Variants in CDH18 observed in about 807,000 individuals in gnomAD.
CDH18 encodes the protein cadherin-18.
A neutral mutation model predicts 67.9 loss-of-function variants in CDH18; 31 were observed. The ratio of observed to expected loss-of-function variants is 0.46; its 90% confidence interval spans 0.34 to 0.62. CDH18 has a LOEUF of 0.62. Among genes scored for constraint, CDH18 ranks in the 20% least tolerant of loss-of-function variants. The pLI is 0.01. For synonymous variants in CDH18, 362 were observed against 347.2 expected (o/e 1.04, Z -0.48); for missense variants, 890 against 975.5 (o/e 0.91, Z 1.17).
At chr5:20,385,158 A>G (rs1206443206) in intron 1 of CDH18, among the ~76,000 whole-genome samples, 1 of 152,098 alleles carries the variant, frequency 6.6e-6, no homozygotes. Flanking sequence ...TCTTATATGT[A>G]ATTTAATATC....
chr5:19,905,322 T>C (rs1274662119), intron 2 of CDH18, among the ~76,000 whole-genome samples: 2 of 152,228 alleles, frequency 1.3e-5, no homozygotes, highest in Admixed American at 6.5e-5. Flanking sequence ...TATGGAGAAA[T>C]ATGTTCCAAA....
At chr5:20,145,610 A>G (rs1364194441) in intron 2 of CDH18, among the ~76,000 whole-genome samples, 2 of 152,190 alleles carry the variant, frequency 1.3e-5, no homozygotes, top group Admixed American at 1.3e-4. Context: ...CTGGTGTTTT[A>G]CCAAACAACT....
upstream of CDH18, among the ~76,000 whole-genome samples, chr5:19,990,294 T>G (rs1382112834): frequency 6.6e-6 from 1 of 152,216 alleles, no homozygotes; most frequent in Non-Finnish European, 1.5e-5. Context: ...TGCCTCTAGT[T>G]GAATGAAATA....
intron 4 of CDH18, among the ~76,000 whole-genome samples, chr5:19,744,562 G>A (rs1769718068): frequency 6.7e-6 from 1 of 148,990 alleles, no homozygotes; most frequent in Non-Finnish European, 1.5e-5. Flanking sequence ...GTTCACTGTT[G>A]ATAACATTTT....
intron 2 of CDH18, among the ~76,000 whole-genome samples, chr5:19,893,993 GCTAT>G (rs1223251733): frequency 2.0e-5 from 3 of 151,952 alleles, no homozygotes; most frequent in Admixed American, 6.6e-5. Context: ...TTGCATACCC[GCTAT>G]CTTTTTGCTT....
chr5:20,031,446 A>G (rs1580079813), intron 2 of CDH18, among the ~76,000 whole-genome samples: 1 of 152,058 alleles, frequency 6.6e-6, no homozygotes, highest in African/African-American at 2.4e-5. Context: ...AGAATTCTCC[A>G]GTGACCTCAT....
At chr5:20,540,651 TC>T (rs1471118353) in intron 1 of CDH18, among the ~76,000 whole-genome samples, 1 of 152,194 alleles carries the variant, frequency 6.6e-6, no homozygotes, top group Non-Finnish European at 1.5e-5. Context: ...TGGTAGCACA[TC>T]CAGATGCTGT....
chr5:20,273,899 C>A (rs1745617143), intron 1 of CDH18, among the ~76,000 whole-genome samples: 2 of 151,954 alleles, frequency 1.3e-5, no homozygotes, highest in African/African-American at 4.8e-5. Flanking sequence ...AGTCTTAACC[C>A]CCAGTACTTA....
chr5:19,719,903 G>GAGAAAGAAAGAA (rs35867851), intron 5 of CDH18, among the ~76,000 whole-genome samples: 10,441 of 130,760 alleles, frequency 0.08, 571 homozygotes, highest in African/African-American at 0.13. Flanking sequence ...AGTTAAGCAA[G>GAGAAAGAAAGAA]AGAAAGAAAG....
At chr5:19,603,379 A>G (rs1463312307) in intron 6 of CDH18, among the ~76,000 whole-genome samples, 1 of 152,156 alleles carries the variant, frequency 6.6e-6, no homozygotes, top group East Asian at 1.9e-4. Flanking sequence ...AGTACCCATT[A>G]AACAATGGGT....
intron 8 of CDH18, among the ~76,000 whole-genome samples, chr5:19,567,707 G>C: frequency 6.6e-6 from 1 of 152,078 alleles, no homozygotes. Context: ...ATTATTTTAA[G>C]GCAGCTTTAG....
intron 5 of CDH18, among the ~76,000 whole-genome samples, chr5:19,694,058 A>C (rs1762237419): frequency 6.6e-6 from 1 of 152,150 alleles, no homozygotes. Context: ...ATCCACAATT[A>C]TGTGTGTGCA....
At chr5:19,886,057 A>G (rs1788158969) in intron 2 of CDH18, 1 of 152,158 alleles carries the variant, frequency 6.6e-6, no homozygotes, top group Non-Finnish European at 1.5e-5. Flanking sequence ...TCACAATCAC[A>G]GGTTTCTTCT....
chr5:19,891,228 AAAATAAAAT>A (rs1408173451), intron 2 of CDH18, among the ~76,000 whole-genome samples: 1 of 152,116 alleles, frequency 6.6e-6, no homozygotes. Flanking sequence ...GTGCACCTCC[AAAATAAAAT>A]GTGCTGATTT....
At chr5:20,175,499 A>T (rs1467855162) in intron 2 of CDH18, among the ~76,000 whole-genome samples, 1 of 152,168 alleles carries the variant, frequency 6.6e-6, no homozygotes, top group Non-Finnish European at 1.5e-5. Flanking sequence ...CATCTCTTTG[A>T]ATAGGTTTGC....
chr5:20,493,891 C>T (rs1015840644), intron 1 of CDH18, among the ~76,000 whole-genome samples: 1 of 151,888 alleles, frequency 6.6e-6, no homozygotes, highest in Non-Finnish European at 1.5e-5. Flanking sequence ...TTTCCATACT[C>T]AGTCTCCCAC....
intron 1 of CDH18, among the ~76,000 whole-genome samples, chr5:20,356,314 C>G (rs116355316): frequency 1.3e-5 from 2 of 152,098 alleles, no homozygotes; most frequent in Non-Finnish European, 2.9e-5. Context: ...ATCCAGGAGA[C>G]GGAGGTCGCA....
chr5:20,009,551 G>A (rs892975640), intron 2 of CDH18, among the ~76,000 whole-genome samples: 2 of 152,038 alleles, frequency 1.3e-5, no homozygotes, highest in Non-Finnish European at 2.9e-5. Context: ...AACTGGTGGC[G>A]AGTTAATCTA....
chr5:20,296,838 G>A (rs1449469088), intron 1 of CDH18, among the ~76,000 whole-genome samples: 9 of 151,472 alleles, frequency 5.9e-5, no homozygotes, highest in African/African-American at 1.7e-4. Flanking sequence ...ATGATATTTC[G>A]ATATTCACTA....
Sources: gnomAD v4.1 joint callset for allele counts (sites outside exome capture counted in the v4.1 genomes callset) on GRCh38, gnomAD v4.1.1 for gene constraint, MANE v1.5 for transcripts, NCBI Gene and HGNC (gene_info 2026-07-23, HGNC 2026-07-21) for gene names.